RAPGEF1: variants seen among roughly 807,000 people sequenced by gnomAD.
RAPGEF1 encodes Rap guanine nucleotide exchange factor 1.
Under a neutral mutation model 143.3 loss-of-function variants are expected in RAPGEF1, and 33 were observed. The observed-to-expected ratio is 0.23, with a 90% confidence interval of 0.17 to 0.31. The LOEUF is 0.31. Ranked by LOEUF, RAPGEF1 falls within the 10% of genes least tolerant of loss-of-function variation. The pLI, the probability that RAPGEF1 is intolerant of heterozygous loss-of-function variation, is 1.00. For missense variants in RAPGEF1, 1,199 were observed against 1,645.4 expected (o/e 0.73, Z 4.69); for synonymous variants, 629 against 676.5 (o/e 0.93, Z 1.09).
intron 11 of RAPGEF1, 22 bp from the exon 12 acceptor site, chr9:131,619,228 A>G (rs1372866898): frequency 3.8e-6 from 5 of 1,300,636 alleles, no homozygotes; most frequent in Non-Finnish European, 4.1e-6. Context: ...AGGGGAGGAG[A>G]GAGAAGGCAG....
At chr9:131,730,697 C>CAAAACAAAAAAAAAAAAAAAAAAA (rs1837001142) in intron 1 of RAPGEF1, among the ~76,000 whole-genome samples, 1 of 80,374 alleles carries the variant, frequency 1.2e-5, no homozygotes, top group Non-Finnish European at 2.3e-5. Context: ...GACTCCATCT[C>CAAAACAAAAAAAAAAAAAAAAAAA]AAAAAAAAAA....
Position 131,598,170 on chromosome 9 carries a change from TGCAAAGCCCCAGCC to T in RAPGEF1, c.2613+15_2613+28del. On this transcript the variant is annotated intron_variant, in intron 16 of 26. Coordinates refer to ENST00000683357, the MANE Select transcript of RAPGEF1 (RefSeq NM_001377935.1). ...CCTGCTCTCCTCTGTGGGGCCAGGC[TGCAAAGCCCCAGCC>T]CGGGAAGTTCTCACCTCCTGCTTGA... 6.3e-7 allele frequency: 1 copy of T among 1,591,488 alleles called. No homozygotes were observed. Among genetic ancestry groups the T allele is most frequent in the Non-Finnish European group, 8.6e-7 (1 of 1,160,564 alleles).
At chr9:131,701,691 T>C (rs543756737) in intron 1 of RAPGEF1, among the ~76,000 whole-genome samples, 31 of 152,362 alleles carry the variant, frequency 2.0e-4, no homozygotes, top group East Asian at 5.8e-4. Context: ...GTATGTTGTA[T>C]GGTTTTATAT....
intron 4 of RAPGEF1, 35 bp downstream of exon 4, chr9:131,643,204 G>C (rs1968565588): frequency 6.3e-7 from 1 of 1,580,168 alleles, no homozygotes; most frequent in Non-Finnish European, 8.6e-7. Context: ...GGCTTCCATT[G>C]TTCTGACACA....
chr9:131,702,652 A>T (rs1410203502), intron 1 of RAPGEF1, among the ~76,000 whole-genome samples: 1 of 152,222 alleles, frequency 6.6e-6, no homozygotes, highest in Admixed American at 6.5e-5. Context: ...ACAAGGCAAG[A>T]TCCTTAAAGC....
chr9:131,691,650 T>C (rs546485860), intron 1 of RAPGEF1, among the ~76,000 whole-genome samples: 1 of 152,298 alleles, frequency 6.6e-6, no homozygotes, highest in South Asian at 2.1e-4. Flanking sequence ...GGAAAGGACT[T>C]TGACAAGAAG....
chr9:131,730,174 A>ACAG (rs1419608749), intron 1 of RAPGEF1, among the ~76,000 whole-genome samples: 7 of 138,676 alleles, frequency 5.0e-5, no homozygotes, highest in East Asian at 2.1e-4. Flanking sequence ...AGCCTGGGCA[A>ACAG]CAGAGCGAGA....
intron 5 of RAPGEF1, among the ~76,000 whole-genome samples, chr9:131,636,247 T>C (rs1192734067): frequency 1.1e-4 from 16 of 152,254 alleles, no homozygotes; most frequent in Admixed American, 1.0e-3. Flanking sequence ...TCCTATTATC[T>C]CTCATTGCCT....
chr9:131,658,761 C>G (rs1463531426), intron 1 of RAPGEF1, among the ~76,000 whole-genome samples: 1 of 152,242 alleles, frequency 6.6e-6, no homozygotes, highest in Non-Finnish European at 1.5e-5. Flanking sequence ...AACCCAATTT[C>G]TTCAAGTGGT....
chr9:131,712,969 A>C (rs980305961), intron 1 of RAPGEF1, among the ~76,000 whole-genome samples: 1 of 152,172 alleles, frequency 6.6e-6, no homozygotes, highest in Non-Finnish European at 1.5e-5. Context: ...GTCCCAGACT[A>C]AGCAAACAAA....
chr9:131,657,934 T>C (rs1438977462), intron 1 of RAPGEF1, among the ~76,000 whole-genome samples: 1 of 152,282 alleles, frequency 6.6e-6, no homozygotes, highest in Non-Finnish European at 1.5e-5. Context: ...TCTTGTTTTT[T>C]ACTCAATAGC....
chr9:131,671,289 C>T (rs939744322), intron 1 of RAPGEF1, among the ~76,000 whole-genome samples: 14 of 152,252 alleles, frequency 9.2e-5, no homozygotes, highest in Non-Finnish European at 2.1e-4. Flanking sequence ...CTCCTGCCGT[C>T]TGTCTGAAGG....
At chr9:131,654,840 TATC>T (rs1000967291) in intron 1 of RAPGEF1, among the ~76,000 whole-genome samples, 2 of 152,066 alleles carry the variant, frequency 1.3e-5, no homozygotes, top group Non-Finnish European at 2.9e-5. Context: ...ACAACAAAAA[TATC>T]CCAGGAAGAA....
At chr9:131,695,181 A>G (rs1242161077) in intron 1 of RAPGEF1, among the ~76,000 whole-genome samples, 3 of 152,198 alleles carry the variant, frequency 2.0e-5, no homozygotes, top group Admixed American at 6.5e-5. Context: ...AGATAAATGC[A>G]TGAACGTGCT....
intron 1 of RAPGEF1, among the ~76,000 whole-genome samples, chr9:131,664,131 C>G (rs1057335657): frequency 6.6e-6 from 1 of 152,162 alleles, no homozygotes; most frequent in East Asian, 1.9e-4. Flanking sequence ...ACCTTTTTAG[C>G]CCATCTCCAG....
intron 22 of RAPGEF1, 62 bp downstream of exon 22, chr9:131,587,674 C>A (rs560969128): frequency 9.1e-5 from 136 of 1,487,646 alleles, no homozygotes; most frequent in Middle Eastern, 4.3e-4. Context: ...AAGGAAAACG[C>A]AGAGCCCACC....
At position 131,650,310 on chromosome 9, in the gene RAPGEF1, G is replaced by A. The variant is rs942713978; in HGVS notation, c.202-68C>T. 2.0e-5 allele frequency: 25 copies of A among 1,226,422 alleles called. No individual in the cohort carries two copies. In the African/African-American group the frequency reaches 3.6e-4, roughly 18 times the overall value. The allele number at this position is 1,226,422 out of a possible 1,614,324, so 76.0% of individuals were successfully genotyped here. On this transcript the variant is annotated intron_variant, in intron 2 of 26. Coordinates refer to ENST00000683357, the MANE Select transcript of RAPGEF1 (RefSeq NM_001377935.1). The surrounding 1 kb of genome is among the most constrained non-coding windows in gnomAD (Gnocchi z 4.7). ...CTGTTTGAGGCCGAAGGGAGGGGTT[G>A]ATGAAAGTCAATAGCTGTTTCAACA...
rs1832090437 is a variant in RAPGEF1 at position 131,675,106 on chromosome 9, G to A, written c.62-24157C>T. Among the ~76,000 whole-genome samples, 1 of 152,176 alleles carries A rather than the reference G, an allele frequency of 6.6e-6. No homozygotes were observed. Among genetic ancestry groups the A allele is most frequent in the African/African-American group, 2.4e-5 (1 of 41,452 alleles). On this transcript the variant is annotated intron_variant, in intron 1 of 26. Coordinates refer to ENST00000683357, the MANE Select transcript of RAPGEF1 (RefSeq NM_001377935.1). The surrounding 1 kb of genome is among the most constrained non-coding windows in gnomAD (Gnocchi z 4.6). ...GGTGGTGGGGGGTGGTAGCAACTGT[G>A]CTTGCCACCAAGAGGAAACTGGCTT...
At chr9:131,730,344 GCCTCAATAAGTCCA>G (rs1836965192) in intron 1 of RAPGEF1, among the ~76,000 whole-genome samples, 1 of 151,640 alleles carries the variant, frequency 6.6e-6, no homozygotes, top group Non-Finnish European at 1.5e-5. Flanking sequence ...AACAAAACAA[GCCTCAATAAGTCCA>G]CCCCACATAC....
Sources: gnomAD v4.1 joint callset for allele counts (sites outside exome capture counted in the v4.1 genomes callset) on GRCh38, gnomAD v4.1.1 for gene constraint, Gnocchi (gnomAD v3.1) non-coding constraint, MANE v1.5 for transcripts, NCBI Gene and HGNC (gene_info 2026-07-23, HGNC 2026-07-21) for gene names.